The following LYN variants were observed in gnomAD, a reference collection of about 807,000 sequenced individuals.
LYN encodes LYN proto-oncogene, Src family tyrosine kinase.
Under a neutral mutation model 65.0 loss-of-function variants are expected in LYN, and 12 were observed. The observed-to-expected ratio is 0.18, with a 90% CI of 0.12 to 0.30. The LOEUF is 0.30. LYN is among the 10% of genes least tolerant of loss of function. The pLI is 1.00. For missense variants in LYN, 380 were observed against 623.2 expected (o/e 0.61, Z 4.16); for synonymous variants, 222 against 221.2 (o/e 1.00, Z -0.03).
At chr8:55,937,745 T>G (rs1472983728) in intron 1 of LYN, among the ~76,000 whole-genome samples, 1 of 152,150 alleles carries the variant, frequency 6.6e-6, no homozygotes, top group Non-Finnish European at 1.5e-5. Flanking sequence ...CAGGCTGGAG[T>G]GCAGTGGCAC....
intron 1 of LYN, among the ~76,000 whole-genome samples, chr8:55,922,510 C>T (rs1173746429): frequency 1.3e-5 from 2 of 152,112 alleles, no homozygotes; most frequent in South Asian, 2.1e-4. Context: ...TGTGGTGACT[C>T]ATGCCTATAA....
chr8:55,892,926 C>T (rs932294465), intron 1 of LYN, among the ~76,000 whole-genome samples: 1 of 152,128 alleles, frequency 6.6e-6, no homozygotes, highest in African/African-American at 2.4e-5. Flanking sequence ...GATGTTGACC[C>T]TCCCCCAAGC....
rs190763407 is a variant in LYN, at chr8:55,910,334, G to T, written c.-6+30231G>T. 4.5e-4 allele frequency among the ~76,000 whole-genome samples: 69 copies of T among 152,292 alleles called. No homozygotes were observed. The Middle Eastern group carries it at 0.01, about 23-fold the overall frequency. On this transcript the variant is annotated intron_variant, in intron 1 of 12. Transcript: ENST00000519728. Reference sequence around the variant, plus strand: ...GAGTTGATTTTTGTATATGGTAAGAGATATGGAGTCCAGTTTCATTCTTCC... The same window carrying T: ...GAGTTGATTTTTGTATATGGTAAGATATATGGAGTCCAGTTTCATTCTTCC...
intron 1 of LYN, among the ~76,000 whole-genome samples, chr8:55,922,765 C>CAAAAA (rs575010862): frequency 1.5e-4 from 20 of 136,570 alleles, no homozygotes; most frequent in South Asian, 1.4e-3. Flanking sequence ...GAAATTCCAT[C>CAAAAA]AAAAAAAAAA....
At chr8:55,979,296 C>A (rs1327998883) in intron 10 of LYN, among the ~76,000 whole-genome samples, 1 of 152,222 alleles carries the variant, frequency 6.6e-6, no homozygotes, top group Non-Finnish European at 1.5e-5. Context: ...CCCGCCTCGG[C>A]CTCCCAAAGT....
chr8:55,882,820 G>C (rs1804689014), intron 1 of LYN, among the ~76,000 whole-genome samples: 1 of 152,174 alleles, frequency 6.6e-6, no homozygotes, highest in South Asian at 2.1e-4. Flanking sequence ...AAGGTCACAG[G>C]CTTGGTTAAG....
At chr8:55,948,142 T>G (rs1227293587) in intron 4 of LYN, among the ~76,000 whole-genome samples, 3 of 152,022 alleles carry the variant, frequency 2.0e-5, no homozygotes, top group African/African-American at 7.2e-5. Context: ...CCTGGCTAAT[T>G]TTTAAAATTT....
chr8:55,923,726 G>C (rs1215662345), intron 1 of LYN, among the ~76,000 whole-genome samples: 1 of 152,080 alleles, frequency 6.6e-6, no homozygotes, highest in South Asian at 2.1e-4. Flanking sequence ...TTTTAGTAGA[G>C]ATGAGGTTTC....
chr8:55,985,982 T>C (rs1026375386), intron 10 of LYN, among the ~76,000 whole-genome samples: 3 of 151,978 alleles, frequency 2.0e-5, no homozygotes, highest in Non-Finnish European at 2.9e-5. Context: ...GCCTGGGCAA[T>C]ATAGTGAGAC....
At chr8:55,909,032 C>T (rs1378035071) in intron 1 of LYN, among the ~76,000 whole-genome samples, 19,096 of 44,062 alleles carry the variant, frequency 0.43, 4,418 homozygotes, top group East Asian at 0.76. Context: ...CACACACACA[C>T]ACACACACAC....
At position 55,957,251 on chromosome 8, in the gene LYN, G is replaced by T. The variant is rs2719241; in HGVS notation, c.790+3267G>T. On this transcript the variant is annotated intron_variant, in intron 8 of 12. Coordinates refer to ENST00000519728, the MANE Select transcript of LYN (RefSeq NM_002350.4). ...GGGATGTTTCCCAGAGTCTGACTCC[G>T]TGTGCCCTATTTTTATTATTGTCAC... Among the ~76,000 whole-genome samples, 685 of 152,140 alleles carry T rather than the reference G, an allele frequency of 4.5e-3. 6 individuals carry two copies. Among genetic ancestry groups the T allele is most frequent in the Middle Eastern group, 6.8e-3 (2 of 294 alleles).
intron 1 of LYN, chr8:55,894,184 C>G (rs781687744): frequency 1.3e-5 from 2 of 152,518 alleles, no homozygotes; most frequent in Non-Finnish European, 2.9e-5. Context: ...ACCCCCCCAG[C>G]TTATTTTTAT....
intron 12 of LYN, among the ~76,000 whole-genome samples, chr8:56,006,463 C>T (rs1295704559): frequency 6.6e-6 from 1 of 152,180 alleles, no homozygotes; most frequent in Non-Finnish European, 1.5e-5. Flanking sequence ...CTGTGCTCCT[C>T]CCTGTCACTA....
rs1045374828 is a variant in LYN, at chr8:55,954,841, AAT to A, written c.790+859_790+860del. Among the ~76,000 whole-genome samples the A allele has an allele frequency of 1.2e-4, 8 of 66,336 alleles. No individual in the cohort carries two copies. The East Asian group carries it at 2.1e-3, about 17-fold the overall frequency. 43.5% of individuals were successfully genotyped at this position (66,336 alleles called of 152,430 possible). On this transcript the variant is annotated intron_variant, in intron 8 of 12. Coordinates refer to ENST00000519728, the MANE Select transcript of LYN (RefSeq NM_002350.4). Reference sequence around the variant, plus strand: ...CACAGTGAGACCCTGCCTCAAAATAAATAAATAAATAAATAAATAAATAAATA... The same window carrying A: ...CACAGTGAGACCCTGCCTCAAAATAAAAATAAATAAATAAATAAATAAATA...
At chr8:55,996,400 A>G (rs562075958) in intron 10 of LYN, among the ~76,000 whole-genome samples, 1 of 152,348 alleles carries the variant, frequency 6.6e-6, no homozygotes, top group African/African-American at 2.4e-5. Flanking sequence ...GACTGGGGAA[A>G]GTCAGATCCT....
chr8:55,899,804 C>T (rs983069240), intron 1 of LYN, among the ~76,000 whole-genome samples: 1 of 152,170 alleles, frequency 6.6e-6, no homozygotes, highest in Non-Finnish European at 1.5e-5. Context: ...CACACGCCAC[C>T]ATGCCCAGAT....
intron 12 of LYN, among the ~76,000 whole-genome samples, chr8:56,005,178 A>T (rs1808638861): frequency 6.6e-6 from 1 of 152,212 alleles, no homozygotes; most frequent in African/African-American, 2.4e-5. Context: ...CCCATAGGCA[A>T]CCAGTGTTCT....
At chr8:55,937,403 AT>A (rs751712614) in intron 1 of LYN, among the ~76,000 whole-genome samples, 71 of 152,308 alleles carry the variant, frequency 4.7e-4, no homozygotes, top group African/African-American at 1.5e-3. Context: ...TGATTGTTTG[AT>A]TAAGAATGTC....
At chr8:55,927,644 G>A (rs1806144680) in intron 1 of LYN, among the ~76,000 whole-genome samples, 1 of 152,068 alleles carries the variant, frequency 6.6e-6, no homozygotes, top group Non-Finnish European at 1.5e-5. Context: ...AGACCAGCCT[G>A]GCCAACATGG....
Sources: gnomAD v4.1 joint callset for allele counts (sites outside exome capture counted in the v4.1 genomes callset) on GRCh38, gnomAD v4.1.1 for gene constraint, MANE v1.5 for transcripts, NCBI Gene and HGNC (gene_info 2026-07-23, HGNC 2026-07-21) for gene names.